Variants in TRAPPC2L observed in about 807,000 individuals in gnomAD.
TRAPPC2L encodes trafficking protein particle complex subunit 2L.
Under a neutral mutation model 13.2 loss-of-function variants are expected in TRAPPC2L, and 17 were observed. That is an observed-to-expected ratio of 1.29 (90% CI 0.88 to 1.93). The LOEUF is 1.93. TRAPPC2L is among the 30% of genes most tolerant of loss of function. TRAPPC2L has a pLI of 0.00. For missense variants in TRAPPC2L, 359 were observed against 252.1 expected, an observed-to-expected ratio of 1.42 and a Z score of -2.87; for synonymous variants, 150 against 98.1, an observed-to-expected ratio of 1.53 and a Z score of -3.12.
rs267604680 is a variant in TRAPPC2L, at chr16:88,859,646, C to T, written c.207-17C>T. 2.5e-6 allele frequency: 4 copies of T among 1,613,450 alleles called. No homozygotes were observed. Among genetic ancestry groups the T allele is most frequent in the Non-Finnish European group, 3.4e-6 (4 of 1,179,540 alleles). ...CAGTCCCTGTGTTACGAGTGCCTTCCCTAACCAGCTGTGCAGATACGGCTA... is the reference window on the plus strand; with the variant it reads ...CAGTCCCTGTGTTACGAGTGCCTTCTCTAACCAGCTGTGCAGATACGGCTA... On this transcript the variant is annotated splice_polypyrimidine_tract_variant and intron_variant, in intron 2 of 3. Transcript: ENST00000565504.
exon 4 of TRAPPC2L, chr16:88,860,161 C>T (rs970653007): frequency 1.4e-6 from 1 of 713,850 alleles, no homozygotes; most frequent in East Asian, 2.7e-5. Context: ...TTACACAGAT[C>T]TCCAGCGCAT....
upstream of TRAPPC2L, chr16:88,856,660 C>T (rs1242225233): frequency 4.4e-5 from 17 of 383,126 alleles, no homozygotes; most frequent in South Asian, 2.6e-4. Context: ...CCTCTCCCCC[C>T]ACCCCGCCCG....
At chr16:88,859,143 C>A in intron 2 of TRAPPC2L, 2 of 435,308 alleles carry the variant, frequency 4.6e-6, no homozygotes, top group Non-Finnish European at 8.6e-6. Context: ...TCATTTATTT[C>A]ATTAGGCCTT....
At chr16:88,860,068 G>C in exon 4 of TRAPPC2L, 4 of 1,212,180 alleles carry the variant, frequency 3.3e-6, no homozygotes, top group Non-Finnish European at 3.6e-6. Context: ...AATAAGGGAG[G>C]AAAGATCTTT....
rs1328464751 is a variant in TRAPPC2L at position 88,859,117 on chromosome 16, G to A, written c.206+326G>A. ...TTTCAGGGGGAGCCACCACCTTTGA[G>A]CAGGGGATAATAGTTTCATTTATTT... On this transcript the variant is annotated intron_variant, in intron 2 of 3. Transcript: ENST00000565504. The A allele has an allele frequency of 1.3e-5, 6 of 450,728 alleles. No homozygotes were observed. The Admixed American group carries it at 1.4e-4, about 10-fold the overall frequency. The allele number at this position is 450,728 out of a possible 1,614,324, so 27.9% of individuals were successfully genotyped here.
chr16:88,857,139 G>T, exon 1 of TRAPPC2L: 1 of 1,573,048 alleles, frequency 6.4e-7, no homozygotes. Flanking sequence ...GCCTGGCGCC[G>T]AGCCTCCCAA....
chr16:88,860,561 T>A, exon 4 of TRAPPC2L: 2 of 592,548 alleles, frequency 3.4e-6, no homozygotes. Context: ...GGACACTGTC[T>A]TGGGGCCATC....
At chr16:88,861,978 A>G in exon 4 of TRAPPC2L, 1 of 226,656 alleles carries the variant, frequency 4.4e-6, no homozygotes, top group Non-Finnish European at 9.0e-6. Context: ...TGCATGCCCC[A>G]GGCCTCCCCC....
At chr16:88,862,354 G>A (rs1369515342) in exon 4 of TRAPPC2L, 2 of 152,578 alleles carry the variant, frequency 1.3e-5, no homozygotes, top group Non-Finnish European at 2.9e-5. Flanking sequence ...TGCAGCTGTG[G>A]CGTGGAGGTG....
chr16:88,856,555 G>A, upstream of TRAPPC2L: 1 of 681,072 alleles, frequency 1.5e-6, no homozygotes, highest in Non-Finnish European at 2.7e-6. Flanking sequence ...ACTCCCCGAG[G>A]GGCCTCCCCC....
chr16:88,858,365 A>AT (rs921598448), intron 1 of TRAPPC2L, among the ~76,000 whole-genome samples: 11 of 152,032 alleles, frequency 7.2e-5, no homozygotes, highest in African/African-American at 2.4e-4. Context: ...GCTCAGGCCC[A>AT]TTTTTCTGAT....
intron 1 of TRAPPC2L, among the ~76,000 whole-genome samples, chr16:88,857,953 C>T (rs547629314): frequency 1.2e-4 from 19 of 152,346 alleles, no homozygotes; most frequent in African/African-American, 4.3e-4. Context: ...GTGGCTGCTG[C>T]TAAGCTGCTC....
At chr16:88,856,939 C>G (rs1014636026), upstream of TRAPPC2L, 1 of 1,463,136 alleles carries the variant, frequency 6.8e-7, no homozygotes, top group African/African-American at 1.5e-5. Flanking sequence ...TCCGCCGGCC[C>G]TTCCGGCTGG....
At chr16:88,856,944 G>T (rs1442993579), upstream of TRAPPC2L, 24 of 1,454,482 alleles carry the variant, frequency 1.7e-5, no homozygotes, top group South Asian at 3.0e-4. Flanking sequence ...CGGCCCTTCC[G>T]GCTGGGCTGC....
Position 88,857,974 on chromosome 16 carries a change from C to T in TRAPPC2L, c.34-645C>T, listed in dbSNP as rs539515318. On this transcript the variant is annotated intron_variant, in intron 1 of 3. Transcript: ENST00000565504. Reference sequence around the variant, plus strand: ...GCTGCTAAGCTGCTCATGGGCTTCCCTCTTGGCCAAGATGATCATTTGCTT... The same window carrying T: ...GCTGCTAAGCTGCTCATGGGCTTCCTTCTTGGCCAAGATGATCATTTGCTT... 5.3e-5 allele frequency among the ~76,000 whole-genome samples: 8 copies of T among 152,324 alleles called. No homozygotes were observed. The East Asian group carries it at 5.8e-4, about 11-fold the overall frequency.
chr16:88,862,142 C>G (rs1224224372), exon 4 of TRAPPC2L: 1 of 154,998 alleles, frequency 6.5e-6, no homozygotes, highest in Non-Finnish European at 1.4e-5. Flanking sequence ...CCAAGCACTT[C>G]CCCATTGCAG....
upstream of TRAPPC2L, chr16:88,856,287 T>C (rs1262810478): frequency 6.0e-5 from 42 of 702,566 alleles, no homozygotes; most frequent in East Asian, 1.0e-3. Context: ...CGGCCCGAGG[T>C]GGCGGGAGTG....
At chr16:88,860,921 G>T in exon 4 of TRAPPC2L, 2 of 1,594,468 alleles carry the variant, frequency 1.3e-6, no homozygotes, top group Non-Finnish European at 1.7e-6. Flanking sequence ...CAGGGCCTTT[G>T]ATAACATGGT....
intron 1 of TRAPPC2L, 28 bp downstream of exon 1, chr16:88,857,211 G>C: frequency 6.5e-7 from 1 of 1,530,752 alleles, no homozygotes; most frequent in Non-Finnish European, 8.8e-7. Flanking sequence ...GGGGCGTCCG[G>C]GCTCGCACCA....
Sources: allele counts gnomAD v4.1 joint callset (sites outside exome capture counted in the v4.1 genomes callset), GRCh38; gene constraint gnomAD v4.1.1; transcripts MANE v1.5; gene names NCBI Gene and HGNC (gene_info 2026-07-23, HGNC 2026-07-21).